The following ADAMTS13 variants were observed in gnomAD, a reference collection of about 807,000 sequenced individuals.
ADAMTS13 encodes the protein ADAM metallopeptidase with thrombospondin type 1 motif 13.
A neutral mutation model predicts 155.1 loss-of-function variants in ADAMTS13; 110 were observed. The observed-to-expected ratio is 0.71, with a 90% CI of 0.61 to 0.83. The LOEUF is 0.83. Among genes scored for constraint, ADAMTS13 ranks in the 40% least tolerant of loss-of-function variants. ADAMTS13 has a pLI of 0.00. For missense variants in ADAMTS13, 1,707 were observed against 1,891.7 expected (o/e 0.90, Z 1.81); for synonymous variants, 758 against 756.4 (o/e 1.00, Z -0.03).
intron 23 of ADAMTS13, among the ~76,000 whole-genome samples, chr9:133,450,822 AG>A (rs1292398314): frequency 6.6e-6 from 1 of 152,240 alleles, no homozygotes; most frequent in Non-Finnish European, 1.5e-5. Flanking sequence ...TGTAAGGAAT[AG>A]GGCTACCTGG....
intron 11 of ADAMTS13, 53 bp from the exon 12 acceptor site, chr9:133,436,776 A>AGGGGGGGGGGGGGGGGGGGGGGGG: frequency 1.4e-6 from 1 of 715,604 alleles, no homozygotes; most frequent in Non-Finnish European, 2.2e-6. Flanking sequence ...CCCAGTGACA[A>AGGGGGGGGGGGGGGGGGGGGGGGG]CACCCGCCCC....
Position 133,436,780 on chromosome 9 carries a change from C to T in ADAMTS13, c.1309-49C>T. ...CCATGTAGTCTCCCAGTGACAACAC[C>T]CGCCCCCCGCCCCACCGCCATCCCC... is the stretch of plus-strand genomic sequence containing the variant. On this transcript the variant is annotated intron_variant, in intron 11 of 28. Coordinates refer to ENST00000355699, the MANE Select transcript of ADAMTS13 (RefSeq NM_139027.6). 1.4e-5 allele frequency: 6 copies of T among 437,348 alleles called. 1 individual carries two copies. Among genetic ancestry groups the T allele is most frequent in the Non-Finnish European group, 2.3e-5 (5 of 216,548 alleles). The allele number at this position is 437,348 out of a possible 1,614,324, so 27.1% of individuals were successfully genotyped here. A position where few individuals can be genotyped will look rare whatever the true frequency, so the allele number is the denominator to read the frequency against.
intron 21 of ADAMTS13, among the ~76,000 whole-genome samples, chr9:133,447,130 C>T (rs1183537999): frequency 3.3e-5 from 5 of 152,042 alleles, no homozygotes; most frequent in African/African-American, 1.2e-4. Flanking sequence ...GCTGGGATTA[C>T]AGGCGTGAGC....
intron 10 of ADAMTS13, 39 bp downstream of exon 10, chr9:133,433,568 C>T (rs1554788169): frequency 6.2e-7 from 1 of 1,613,762 alleles, no homozygotes; most frequent in Non-Finnish European, 8.5e-7. Flanking sequence ...GGGAGTGTGG[C>T]CATACCATAG....
chr9:133,441,318 G>A lies in ADAMTS13; in HGVS notation c.1968+793G>A, dbSNP rs587654161. 6.6e-5 allele frequency among the ~76,000 whole-genome samples: 10 copies of A among 152,272 alleles called. No individual in the cohort carries two copies. In the East Asian group the frequency reaches 1.5e-3, roughly 23 times the overall value. On this transcript the variant is annotated intron_variant, in intron 16 of 28. Coordinates refer to ENST00000355699, the MANE Select transcript of ADAMTS13 (RefSeq NM_139027.6). The surrounding 1 kb of genome is among the most constrained non-coding windows in gnomAD (Gnocchi z 5.0). The stretch of plus-strand genomic sequence containing the variant: ...CGGGCCAAAGCAAGCCCCTGTGAGC[G>A]GCTTATCCCTTCTCTTCCCCTGATA...
intron 13 of ADAMTS13, 43 bp downstream of exon 13, chr9:133,437,940 G>T (rs932790294): frequency 6.2e-7 from 1 of 1,611,638 alleles, no homozygotes; most frequent in Non-Finnish European, 8.5e-7. Flanking sequence ...GGGCCTACCT[G>T]TCCTATCGGA....
rs782617353 is a variant in ADAMTS13 at position 133,448,636 on chromosome 9, C to A, written c.2769C>A (p.Ala923=). The change falls in exon 22 of 29, where the codon GCC becomes GCA. Residue 923 remains alanine, a synonymous_variant. Coordinates refer to ENST00000355699, the MANE Select transcript of ADAMTS13 (RefSeq NM_139027.6). ...MELRFLCMDS[A]LRVPVQEELC... is the part of the protein sequence containing the mutation. The stretch of plus-strand genomic sequence containing the variant: ...TGCGTTTCCTGTGCATGGACTCTGC[C>A]CTCAGGGTGCCTGTCCAGGAAGAGC... The A allele has an allele frequency of 1.9e-6, 3 of 1,609,832 alleles. No individual in the cohort carries two copies. Among genetic ancestry groups the A allele is most frequent in the Non-Finnish European group, 2.5e-6 (3 of 1,179,996 alleles).
intron 25 of ADAMTS13, 23 bp downstream of exon 25, chr9:133,455,458 CGAA>C: frequency 1.9e-6 from 3 of 1,612,500 alleles, no homozygotes; most frequent in Non-Finnish European, 2.5e-6. Context: ...TGGTGCCCCA[CGAA>C]GAAGCCGCTG....
At chr9:133,419,525 G>C (rs1839858553), upstream of ADAMTS13, among the ~76,000 whole-genome samples, 1 of 152,168 alleles carries the variant, frequency 6.6e-6, no homozygotes, top group Admixed American at 6.5e-5. Context: ...CAGATAGCAG[G>C]TGCTGGGGGC....
rs1308177849 is a variant in ADAMTS13, at chr9:133,433,376, AGTGGTGCTCCAAGG to A, written c.1094_1107del (p.Trp365SerfsTer20). ...GGAGATGAAGCCATCCTTGCCTTGCAGTGGTGCTCCAAGGGTCGCTGCCGCTCCCTGGTGGAGCT... is the reference window on the plus strand; with the variant it reads ...GGAGATGAAGCCATCCTTGCCTTGCAGTCGCTGCCGCTCCCTGGTGGAGCT... On this transcript the variant is annotated splice_acceptor_variant and coding_sequence_variant, in exon 10 of 29. Coordinates refer to ENST00000355699, the MANE Select transcript of ADAMTS13 (RefSeq NM_139027.6). LOFTEE classifies it high-confidence loss of function. 5 of 1,612,550 alleles carry A rather than the reference AGTGGTGCTCCAAGG, an allele frequency of 3.1e-6. No individual in the cohort carries two copies. The highest frequency in any genetic ancestry group is 4.2e-6 in the Non-Finnish European group (5 of 1,179,914).
intron 19 of ADAMTS13, among the ~76,000 whole-genome samples, chr9:133,444,408 A>G (rs1841916686): frequency 6.6e-6 from 1 of 151,812 alleles, no homozygotes; most frequent in Non-Finnish European, 1.5e-5. Context: ...GCTGGTATGC[A>G]GTGGCATGAT....
Position 133,448,612 on chromosome 9 carries a change from G to A in ADAMTS13, c.2745G>A (p.Leu915=). 1 of 1,610,388 alleles carries A rather than the reference G, an allele frequency of 6.2e-7. No homozygotes were observed. Among genetic ancestry groups the A allele is most frequent in the Non-Finnish European group, 8.5e-7 (1 of 1,179,920 alleles). ...SVSCGRGLME[L]RFLCMDSALR... The stretch of plus-strand genomic sequence containing the variant: ...TTGTCCACGCAGGTCTGATGGAGCT[G>A]CGTTTCCTGTGCATGGACTCTGCCC... Residue 915 remains leucine, a synonymous_variant, in exon 22 of 29, where the codon CTG becomes CTA. Transcript: ENST00000355699.
At chr9:133,434,913 C>T (rs1357044497) in intron 11 of ADAMTS13, among the ~76,000 whole-genome samples, 1 of 152,218 alleles carries the variant, frequency 6.6e-6, no homozygotes, top group Non-Finnish European at 1.5e-5. Flanking sequence ...CTTCCTCCCC[C>T]AGCGGCACGT....
chr9:133,455,344 G>T lies in ADAMTS13; in HGVS notation c.3309G>T (p.Gln1103His). 1 of 1,610,366 alleles carries T rather than the reference G, an allele frequency of 6.2e-7. No individual in the cohort carries two copies. Residue 1103 changes from glutamine to histidine, a missense_variant, in exon 25 of 29, where the codon CAG becomes CAT. By Grantham distance (24) the Gln-to-His change is conservative. This residue lies in a region of ADAMTS13 where 961 missense variants were observed against 1,107.9 expected (regional missense o/e 0.87). Transcript: ENST00000355699. ...QRRRDTCLGPQAQAPVPADFC... is the reference protein window; with the variant it reads ...QRRRDTCLGPHAQAPVPADFC... The stretch of plus-strand genomic sequence containing the variant: ...GGCGTGACACCTGCCTCGGACCCCA[G>T]GCCCAGGCGCCTGTGCCAGCTGATT...
Position 133,454,145 on chromosome 9 carries a change from G to A in ADAMTS13, c.3045-270G>A, listed in dbSNP as rs587706024. ...GTCCATAGGCAACCCCTGGGGTGCT[G>A]ACAGGTGTTCTGTGATAAAGGCGAC... On this transcript the variant is annotated intron_variant, in intron 23 of 28. Coordinates refer to ENST00000355699, the MANE Select transcript of ADAMTS13 (RefSeq NM_139027.6). 3.9e-5 allele frequency among the ~76,000 whole-genome samples: 6 copies of A among 152,202 alleles called. No homozygotes were observed. The South Asian group carries it at 1.2e-3, about 32-fold the overall frequency.
At chr9:133,416,561 C>A (rs964058456) in intron 1 of ADAMTS13, among the ~76,000 whole-genome samples, 1 of 152,104 alleles carries the variant, frequency 6.6e-6, no homozygotes, top group Non-Finnish European at 1.5e-5. Context: ...ATGATCCTAA[C>A]AGGAGGTAGC....
In ADAMTS13 at chr9:133,436,698, C is replaced by T. The variant is rs36220236; in HGVS notation, c.1309-131C>T. 2,257 of 953,132 alleles carry T rather than the reference C, an allele frequency of 2.4e-3. 45 individuals are homozygous for T. In the African/African-American group the frequency reaches 0.032, roughly 13 times the overall value. 59.0% of individuals were successfully genotyped at this position (953,132 alleles called of 1,614,324 possible). On this transcript the variant is annotated intron_variant, in intron 11 of 28. Transcript: ENST00000355699. The stretch of plus-strand genomic sequence containing the variant: ...CACCCCAGTTTACAGAGCAGGGAAC[C>T]GAGGCACGGCCTGGAGCTGAGGCCA...
Position 133,433,267 on chromosome 9 carries a change from C to T in ADAMTS13, c.1093-111C>T, listed in dbSNP as rs1205493379. On this transcript the variant is annotated intron_variant, in intron 9 of 28. Coordinates refer to ENST00000355699, the MANE Select transcript of ADAMTS13 (RefSeq NM_139027.6). ...GTTTGGGGGTCGCTGTGGGTGGGGTCCCTGTGTGTGTTGGGGATCCCTGAG... is the reference window on the plus strand; with the variant it reads ...GTTTGGGGGTCGCTGTGGGTGGGGTTCCTGTGTGTGTTGGGGATCCCTGAG... 6 of 1,472,074 alleles carry T rather than the reference C, an allele frequency of 4.1e-6. No individual in the cohort carries two copies. In the South Asian group the frequency reaches 6.8e-5, roughly 17 times the overall value. 91.2% of individuals were successfully genotyped at this position (1,472,074 alleles called of 1,614,324 possible). A position where few individuals can be genotyped will look rare whatever the true frequency, so the allele number is the denominator to read the frequency against.
At position 133,425,961 on chromosome 9, in the gene ADAMTS13, C is replaced by T; in HGVS notation, c.438C>T (p.Asn146=). 1.2e-6 allele frequency: 2 copies of T among 1,613,802 alleles called. No individual in the cohort carries two copies. The highest frequency in any genetic ancestry group is 8.5e-7 in the Non-Finnish European group (1 of 1,180,022). The change falls in exon 5 of 29, where the codon AAC becomes AAT. Residue 146 remains asparagine (N), a synonymous_variant. Transcript: ENST00000355699. This position sits in a 1 kb window ranked among gnomAD's most constrained non-coding sequence, Gnocchi z 4.6. Reference sequence around the variant, plus strand: ...AGGGTGCTCCAAATATCACAGCCAACCTCACCTCGTCCCTGCTGAGCGTCT... The same window carrying T: ...AGGGTGCTCCAAATATCACAGCCAATCTCACCTCGTCCCTGCTGAGCGTCT... ...EPEGAPNITA[N]LTSSLLSVCG... is the part of the protein sequence containing the mutation.
Sources: allele counts gnomAD v4.1 joint callset (sites outside exome capture counted in the v4.1 genomes callset), GRCh38; gene constraint gnomAD v4.1.1; regional missense constraint gnomAD v4.1.1; non-coding constraint Gnocchi (gnomAD v3.1); transcripts MANE v1.5; gene names NCBI Gene and HGNC (gene_info 2026-07-23, HGNC 2026-07-21).